C8orf34: variants seen among roughly 807,000 people sequenced by gnomAD.
C8orf34 encodes uncharacterized protein C8orf34.
C8orf34 carries 65 observed loss-of-function variants against 68.3 expected under a neutral mutation model. That is an observed-to-expected ratio of 0.95 (90% CI 0.78 to 1.17). C8orf34 has a LOEUF of 1.17. Among genes scored for constraint, C8orf34 ranks in the 50% most tolerant of loss-of-function variants. The pLI is 0.00. For missense variants in C8orf34, 664 were observed against 655.4 expected (o/e 1.01, Z -0.14); for synonymous variants, 244 against 241.2 (o/e 1.01, Z -0.11).
intron 7 of C8orf34, among the ~76,000 whole-genome samples, chr8:68,561,479 G>A (rs371530122): frequency 6.6e-6 from 1 of 152,064 alleles, no homozygotes; most frequent in Non-Finnish European, 1.5e-5. Flanking sequence ...GCACAAGTCC[G>A]GGCGCAGCAG....
At chr8:68,803,374 C>A (rs1824389232) in intron 12 of C8orf34, among the ~76,000 whole-genome samples, 2 of 151,816 alleles carry the variant, frequency 1.3e-5, no homozygotes, top group African/African-American at 4.8e-5. Flanking sequence ...AGGAAATTAG[C>A]CACACTAGCA....
chr8:68,656,165 A>G (rs1819505389), intron 8 of C8orf34, among the ~76,000 whole-genome samples: 1 of 152,214 alleles, frequency 6.6e-6, no homozygotes, highest in Non-Finnish European at 1.5e-5. Context: ...ATCTTTGGTC[A>G]TGGACTCAAC....
chr8:68,468,825 G>A lies in C8orf34; in HGVS notation c.736+5G>A. ...CCCTTGAGAATCTCTCTCGAAGTAAGTTCATTTACTTGATTATAATTGAAA... is the reference window on the plus strand; with the variant it reads ...CCCTTGAGAATCTCTCTCGAAGTAAATTCATTTACTTGATTATAATTGAAA... On this transcript the variant is annotated splice_donor_5th_base_variant and intron_variant, in intron 4 of 13. Coordinates refer to ENST00000518698, the MANE Select transcript of C8orf34 (RefSeq NM_052958.4). The A allele has an allele frequency of 1.2e-6, 2 of 1,606,800 alleles. No individual in the cohort carries two copies. Among genetic ancestry groups the A allele is most frequent in the Non-Finnish European group, 1.7e-6 (2 of 1,177,266 alleles).
rs568088256 is a variant in C8orf34 at position 68,721,424 on chromosome 8, A to G, written c.1391A>G (p.Lys464Arg). The G allele has an allele frequency of 6.2e-7, 1 of 1,605,890 alleles. No homozygotes were observed. Among genetic ancestry groups the G allele is most frequent in the Non-Finnish European group, 8.5e-7 (1 of 1,173,770 alleles). Residue 464 changes from lysine (K) to arginine (R), a missense_variant, in exon 10 of 14, where the codon AAA (lysine) becomes AGA (arginine). By Grantham distance (26) the Lys-to-Arg change is conservative (BLOSUM62 2). Transcript: ENST00000518698. ...EEGDEFEKASKLTGPGEASSG... is the reference protein window; with the variant it reads ...EEGDEFEKASRLTGPGEASSG... ...GGTGACGAATTTGAGAAAGCATCTA[A>G]ACTAACAGGACCTGTAAGTATATTC...
intron 1 of C8orf34, among the ~76,000 whole-genome samples, chr8:68,353,088 G>A (rs573500004): frequency 6.6e-6 from 1 of 152,176 alleles, no homozygotes; most frequent in African/African-American, 2.4e-5. Flanking sequence ...TTAAAATAGA[G>A]TAGGGAAACC....
At position 68,331,172 on chromosome 8, in the gene C8orf34, T is replaced by A; in HGVS notation, c.160T>A (p.Cys54Ser). The stretch of plus-strand genomic sequence containing the variant: ...AGGGCAGCCGAGGCTCCGGAGCTCC[T>A]GTCCCGGCCCCAGTCCGGGTAAAAG... ...HAGQPRLRSS[C>S]PGPSPGKRRV... is the part of the protein sequence containing the mutation. The change falls in exon 1 of 14, where the codon TGT becomes AGT. Residue 54 changes from cysteine to serine, a missense_variant. By Grantham distance (112) the Cys-to-Ser change is moderately radical (BLOSUM62 -1). Coordinates refer to ENST00000518698, the MANE Select transcript of C8orf34 (RefSeq NM_052958.4). The A allele has an allele frequency of 6.5e-7, 1 of 1,531,684 alleles. No homozygotes were observed. Among genetic ancestry groups the A allele is most frequent in the Non-Finnish European group, 8.7e-7 (1 of 1,143,562 alleles). The allele number at this position is 1,531,684 out of a possible 1,614,324, so 94.9% of individuals were successfully genotyped here. A position where few individuals can be genotyped will look rare whatever the true frequency, so the allele number is the denominator to read the frequency against.
chr8:68,475,755 A>G (rs1812586678), intron 4 of C8orf34, among the ~76,000 whole-genome samples: 2 of 152,238 alleles, frequency 1.3e-5, no homozygotes, highest in East Asian at 1.9e-4. Flanking sequence ...GTGAGGCACT[A>G]TTCCCAGGGT....
intron 7 of C8orf34, chr8:68,534,656 G>T: frequency 5.1e-6 from 5 of 985,434 alleles, no homozygotes; most frequent in Non-Finnish European, 6.0e-6. Context: ...GTCATTGTAG[G>T]TTTGCTCACG....
At chr8:68,576,243 C>T (rs1816902766) in intron 7 of C8orf34, among the ~76,000 whole-genome samples, 1 of 151,584 alleles carries the variant, frequency 6.6e-6, no homozygotes, top group Non-Finnish European at 1.5e-5. Flanking sequence ...ATTAGACTAA[C>T]ATTGTAATTA....
intron 1 of C8orf34, among the ~76,000 whole-genome samples, chr8:68,433,198 T>C (rs1810519873): frequency 6.6e-6 from 1 of 152,096 alleles, no homozygotes; most frequent in Non-Finnish European, 1.5e-5. Context: ...AGAGACCTGA[T>C]AAAAACAGAA....
intron 1 of C8orf34, among the ~76,000 whole-genome samples, chr8:68,336,505 T>A (rs1805858693): frequency 6.6e-6 from 1 of 152,168 alleles, no homozygotes; most frequent in South Asian, 2.1e-4. Context: ...CTTGTTGTGT[T>A]GGATTGAAAT....
chr8:68,644,010 G>A (rs559904721), intron 8 of C8orf34, among the ~76,000 whole-genome samples: 1 of 152,206 alleles, frequency 6.6e-6, no homozygotes, highest in East Asian at 1.9e-4. Flanking sequence ...AAGTCTAGAG[G>A]CGTTTGTAAC....
At chr8:68,478,688 G>T (rs1812727919) in intron 4 of C8orf34, among the ~76,000 whole-genome samples, 2 of 152,166 alleles carry the variant, frequency 1.3e-5, no homozygotes, top group Non-Finnish European at 1.5e-5. Context: ...ATGGCAGAAG[G>T]AGAAGCAGGC....
At chr8:68,764,496 G>T (rs1002245965) in intron 10 of C8orf34, among the ~76,000 whole-genome samples, 12 of 152,202 alleles carry the variant, frequency 7.9e-5, no homozygotes, top group Non-Finnish European at 1.3e-4. Context: ...ACATAGCAGA[G>T]TGGGGTGAAG....
In C8orf34 at chr8:68,815,930, A is replaced by G. The variant is rs890673799; in HGVS notation, c.1594A>G (p.Thr532Ala). 2 of 1,613,676 alleles carry G rather than the reference A, an allele frequency of 1.2e-6. No individual in the cohort carries two copies. Among genetic ancestry groups the G allele is most frequent in the Non-Finnish European group, 1.7e-6 (2 of 1,179,754 alleles). The stretch of plus-strand genomic sequence containing the variant: ...TTGCGTTCCATGCTCTTCTTGTCCT[A>G]CGCTGGTCTACTCTGGTATGTTTGC... ...LLCVPCSSCPTLVYSGL is the reference protein window; with the variant it reads ...LLCVPCSSCPALVYSGL The change falls in exon 13 of 14, where the codon ACG (threonine) becomes GCG (alanine). Residue 532 changes from threonine (T) to alanine (A), a missense_variant. By Grantham distance (58) the Thr-to-Ala change is moderately conservative. Coordinates refer to ENST00000518698, the MANE Select transcript of C8orf34 (RefSeq NM_052958.4).
Position 68,436,188 on chromosome 8 carries a change from TG to T in C8orf34, c.328-3308del, listed in dbSNP as rs562207833. On this transcript the variant is annotated intron_variant, in intron 1 of 13. Coordinates refer to ENST00000518698, the MANE Select transcript of C8orf34 (RefSeq NM_052958.4). ...GTGCCACTGCACTCTATCCTCACCC[TG>T]GGTGACAGAGTGAGACTCCCTATCA... Among the ~76,000 whole-genome samples, 774 of 152,244 alleles carry T rather than the reference TG, an allele frequency of 5.1e-3. 6 individuals carry two copies. The highest frequency in any genetic ancestry group is 0.018 in the African/African-American group (745 of 41,544).
At chr8:68,360,763 T>TA (rs1474487317) in intron 1 of C8orf34, among the ~76,000 whole-genome samples, 7 of 150,522 alleles carry the variant, frequency 4.7e-5, no homozygotes, top group Non-Finnish European at 1.0e-4. Flanking sequence ...TTTCTTTTTT[T>TA]TTTTTTTTTT....
chr8:68,714,272 T>C (rs1034483781), intron 9 of C8orf34, among the ~76,000 whole-genome samples: 1 of 152,130 alleles, frequency 6.6e-6, no homozygotes, highest in African/African-American at 2.4e-5. Flanking sequence ...CACATAGTAC[T>C]GGAAGTCCTA....
intron 12 of C8orf34, among the ~76,000 whole-genome samples, chr8:68,797,137 C>T (rs1045685603): frequency 6.6e-6 from 1 of 152,060 alleles, no homozygotes; most frequent in African/African-American, 2.4e-5. Context: ...TATTTGAGTT[C>T]TTGTAGAATG....
Sources: gnomAD v4.1 joint callset for allele counts (sites outside exome capture counted in the v4.1 genomes callset) on GRCh38, gnomAD v4.1.1 for gene constraint, MANE v1.5 for transcripts, NCBI Gene and HGNC (gene_info 2026-07-23, HGNC 2026-07-21) for gene names.